The following FARS2 variants were observed in gnomAD, a reference collection of about 807,000 sequenced individuals.
FARS2 encodes the protein phenylalanine--tRNA ligase, mitochondrial.
A neutral mutation model predicts 46.4 loss-of-function variants in FARS2; 40 were observed. That is an observed-to-expected ratio of 0.86 (90% CI 0.67 to 1.12). The LOEUF (loss-of-function observed/expected upper bound fraction) is 1.12. FARS2 is among the 50% of genes most tolerant of loss of function. FARS2 has a pLI of 0.00. For synonymous variants in FARS2, 234 were observed against 214.9 expected, an observed-to-expected ratio of 1.09 and a Z score of -0.78; for missense variants, 513 against 567.9, an observed-to-expected ratio of 0.90 and a Z score of 0.98.
chr6:5,369,159 G>A lies in FARS2; in HGVS notation c.589G>A (p.Val197Met), dbSNP rs149605576. ...HYPIFHQLEA[V>M]RLFSKHELFA... ...CCCTATTTTCCACCAGCTGGAGGCC[G>A]TGCGGCTCTTCTCCAAGCATGAGGT... Residue 197 changes from valine (V) to methionine (M), a missense_variant, in exon 2 of 7, where the codon GTG (valine) becomes ATG (methionine). By Grantham distance (21) the Val-to-Met change is conservative (BLOSUM62 1). Coordinates refer to ENST00000274680, the MANE Select transcript of FARS2 (RefSeq NM_006567.5). 27 of 1,608,484 alleles carry A rather than the reference G, an allele frequency of 1.7e-5. No homozygotes were observed. The Middle Eastern group carries it at 4.9e-4, about 29-fold the overall frequency.
chr6:5,510,380 C>T (rs903009498), intron 4 of FARS2, among the ~76,000 whole-genome samples: 2 of 152,142 alleles, frequency 1.3e-5, no homozygotes, highest in Non-Finnish European at 2.9e-5. Flanking sequence ...TGCCTCCTTC[C>T]AGGCAACCCC....
intron 6 of FARS2, among the ~76,000 whole-genome samples, chr6:5,768,160 C>A (rs970736717): frequency 6.6e-6 from 1 of 152,150 alleles, no homozygotes; most frequent in Non-Finnish European, 1.5e-5. Context: ...GAAAATGAAG[C>A]CTTCTCTGTC....
chr6:5,373,331 A>G (rs1759174592), intron 2 of FARS2, among the ~76,000 whole-genome samples: 1 of 152,116 alleles, frequency 6.6e-6, no homozygotes, highest in Non-Finnish European at 1.5e-5. Context: ...GGGAAGGTGG[A>G]TTAGACATTA....
intron 2 of FARS2, among the ~76,000 whole-genome samples, chr6:5,381,239 C>T (rs556408195): frequency 9.9e-5 from 15 of 151,920 alleles, no homozygotes; most frequent in Admixed American, 7.9e-4. Flanking sequence ...CCTCGTTATC[C>T]GCCCGCCTCG....
intron 6 of FARS2, among the ~76,000 whole-genome samples, chr6:5,726,906 G>C (rs1437234461): frequency 6.6e-6 from 1 of 152,196 alleles, no homozygotes; most frequent in Non-Finnish European, 1.5e-5. Context: ...GAGCTTCCCG[G>C]GTAACTGGAC....
At chr6:5,690,788 A>T (rs148187118) in intron 6 of FARS2, among the ~76,000 whole-genome samples, 1 of 152,300 alleles carries the variant, frequency 6.6e-6, no homozygotes, top group African/African-American at 2.4e-5. Flanking sequence ...TATCCTGCGG[A>T]GTGTTTTCCA....
intron 6 of FARS2, among the ~76,000 whole-genome samples, chr6:5,696,947 T>G (rs1452665582): frequency 2.6e-5 from 4 of 152,204 alleles, no homozygotes. Flanking sequence ...TAATAAAAGT[T>G]TTAGCAAAAC....
intron 4 of FARS2, among the ~76,000 whole-genome samples, chr6:5,472,328 A>T (rs1004485299): frequency 2.6e-5 from 4 of 152,194 alleles, no homozygotes; most frequent in African/African-American, 9.6e-5. Flanking sequence ...GGGCCCCCAA[A>T]TGTGATGGAC....
At chr6:5,556,627 A>G (rs1771676533) in intron 5 of FARS2, among the ~76,000 whole-genome samples, 1 of 151,860 alleles carries the variant, frequency 6.6e-6, no homozygotes. Context: ...TATGTTTTAC[A>G]TATTTGGATT....
At chr6:5,360,979 A>G (rs928716069) in intron 1 of FARS2, among the ~76,000 whole-genome samples, 1 of 152,224 alleles carries the variant, frequency 6.6e-6, no homozygotes, top group Non-Finnish European at 1.5e-5. Context: ...TTGGCGAGAT[A>G]GGACAATGGT....
At chr6:5,400,002 A>G (rs1244920957) in intron 2 of FARS2, among the ~76,000 whole-genome samples, 1 of 152,158 alleles carries the variant, frequency 6.6e-6, no homozygotes, top group Non-Finnish European at 1.5e-5. Flanking sequence ...GGACTGGGTC[A>G]AGAGATCAAC....
At chr6:5,431,874 C>T (rs1270868434) in intron 4 of FARS2, 1 of 278,048 alleles carries the variant, frequency 3.6e-6, no homozygotes, top group East Asian at 8.3e-5. Flanking sequence ...AAGTCACTAT[C>T]TGAATTGAGT....
chr6:5,552,286 A>G (rs1441816789), intron 5 of FARS2, among the ~76,000 whole-genome samples: 1 of 152,172 alleles, frequency 6.6e-6, no homozygotes, highest in African/African-American at 2.4e-5. Flanking sequence ...AATGATTGTA[A>G]TTCTCTGCAA....
At chr6:5,695,701 G>T (rs908028649) in intron 6 of FARS2, among the ~76,000 whole-genome samples, 5 of 152,160 alleles carry the variant, frequency 3.3e-5, no homozygotes, top group African/African-American at 1.2e-4. Context: ...ATTAGAAGCA[G>T]TTCTTCCTTT....
intron 4 of FARS2, chr6:5,466,601 A>G: frequency 4.1e-6 from 4 of 985,456 alleles, no homozygotes; most frequent in Non-Finnish European, 4.8e-6. Flanking sequence ...ATGAGACTTC[A>G]TAATGGTCCT....
chr6:5,297,684 G>GCAACAA (rs1325055962), intron 1 of FARS2, among the ~76,000 whole-genome samples: 1 of 151,762 alleles, frequency 6.6e-6, no homozygotes, highest in African/African-American at 2.4e-5. Context: ...CAAAAGAACA[G>GCAACAA]CAACAGCAAC....
chr6:5,519,452 A>G (rs973934143), intron 4 of FARS2, among the ~76,000 whole-genome samples: 15 of 152,164 alleles, frequency 9.9e-5, no homozygotes, highest in Admixed American at 6.5e-4. Context: ...AGTATGCTAG[A>G]AGGGGTACCA....
intron 1 of FARS2, among the ~76,000 whole-genome samples, chr6:5,262,286 T>C (rs1017849251): frequency 6.6e-6 from 1 of 152,202 alleles, no homozygotes; most frequent in Non-Finnish European, 1.5e-5. Context: ...TGTTTCCTTT[T>C]CTTTTTTTTG....
At chr6:5,605,757 A>G (rs979081957) in intron 5 of FARS2, among the ~76,000 whole-genome samples, 1 of 152,228 alleles carries the variant, frequency 6.6e-6, no homozygotes, top group African/African-American at 2.4e-5. Flanking sequence ...GGAAAAAAAA[A>G]ATGCCTGATG....
Sources: gnomAD v4.1 joint callset for allele counts (sites outside exome capture counted in the v4.1 genomes callset) on GRCh38, gnomAD v4.1.1 for gene constraint, MANE v1.5 for transcripts, NCBI Gene and HGNC (gene_info 2026-07-23, HGNC 2026-07-21) for gene names.